Variants in ARIH1 observed in about 807,000 individuals in gnomAD.
The protein encoded by ARIH1 is ariadne RBR E3 ubiquitin protein ligase 1.
A neutral mutation model predicts 85.0 loss-of-function variants in ARIH1; 8 were observed. The observed-to-expected ratio is 0.09, with a 90% CI of 0.06 to 0.17. The LOEUF (loss-of-function observed/expected upper bound fraction) is 0.17. Among genes scored for constraint, ARIH1 ranks in the 10% least tolerant of loss-of-function variants. ARIH1 has a pLI of 1.00. For missense variants in ARIH1, 311 were observed against 718.1 expected, an observed-to-expected ratio of 0.43 and a Z score of 6.48; for synonymous variants, 238 against 253.6, an observed-to-expected ratio of 0.94 and a Z score of 0.59.
rs1567367263 is a variant in ARIH1 at position 72,601,476 on chromosome 15, T to G, written c.*18184T>G. ...ATTCTGTGCTGCAAACTGGCTGAGA[T>G]TCTTCCATCCTCAGGGCCTTTGCAC... is the stretch of plus-strand genomic sequence containing the variant. On this transcript the variant is annotated 3_prime_UTR_variant, in exon 14 of 14. Transcript: ENST00000379887. The G allele has an allele frequency of 1.3e-5, 2 of 152,290 alleles. No homozygotes were observed. Among genetic ancestry groups the G allele is most frequent in the South Asian group, 4.1e-4 (2 of 4,828 alleles). The allele number at this position is 152,290 out of a possible 1,614,324, so 9.4% of individuals were successfully genotyped here.
chr15:72,540,915 C>T (rs2064104215), intron 2 of ARIH1, among the ~76,000 whole-genome samples: 1 of 152,106 alleles, frequency 6.6e-6, no homozygotes, highest in Non-Finnish European at 1.5e-5. Flanking sequence ...ATCTAAAGCA[C>T]AGGAATTCAG....
rs2064347789 is a variant in ARIH1 at position 72,592,658 on chromosome 15, G to T, written c.*9366G>T. The T allele has an allele frequency of 6.6e-6, 1 of 152,038 alleles. No individual in the cohort carries two copies. The highest frequency in any genetic ancestry group is 2.1e-4 in the South Asian group (1 of 4,832). 9.4% of individuals were successfully genotyped at this position (152,038 alleles called of 1,614,324 possible). On this transcript the variant is annotated 3_prime_UTR_variant, in exon 14 of 14. Transcript: ENST00000379887. ...ACCTGCTTTTGGATTACATATAAGT[G>T]GAATCATATAATAATGTACTCTTTT... is the stretch of plus-strand genomic sequence containing the variant.
chr15:72,548,242 A>C (rs2064137931), intron 3 of ARIH1, among the ~76,000 whole-genome samples: 1 of 152,254 alleles, frequency 6.6e-6, no homozygotes, highest in East Asian at 1.9e-4. Context: ...TACCACAGAA[A>C]TCTGAACTAA....
At chr15:72,538,887 A>G (rs1025487246) in intron 2 of ARIH1, among the ~76,000 whole-genome samples, 1 of 152,364 alleles carries the variant, frequency 6.6e-6, no homozygotes, top group East Asian at 1.9e-4. Context: ...ATTATTGTCT[A>G]TATGAAAATC....
chr15:72,583,156 T>C, intron 13 of ARIH1, 52 bp from the exon 14 acceptor site: 1 of 1,415,778 alleles, frequency 7.1e-7, no homozygotes. Flanking sequence ...TGCCTCTTTT[T>C]TTATTATTAG....
chr15:72,515,146 A>C (rs146387572), intron 1 of ARIH1, among the ~76,000 whole-genome samples: 37 of 152,070 alleles, frequency 2.4e-4, no homozygotes, highest in Admixed American at 7.2e-4. Context: ...GACCTGCCTG[A>C]CCAACATGGA....
In ARIH1 at chr15:72,474,543, C is replaced by A; in HGVS notation, c.-97C>A. ...GCGGGGCCGGAGCCAGGCCTGCGTCCGGACATCAGCCGGAGCCGGAGCGAG... is the reference window on the plus strand; with the variant it reads ...GCGGGGCCGGAGCCAGGCCTGCGTCAGGACATCAGCCGGAGCCGGAGCGAG... On this transcript the variant is annotated 5_prime_UTR_variant, in exon 1 of 14. Transcript: ENST00000379887. The A allele has an allele frequency of 7.1e-7, 1 of 1,403,476 alleles. No homozygotes were observed. Among genetic ancestry groups the A allele is most frequent in the East Asian group, 3.1e-5 (1 of 31,956 alleles). The allele number at this position is 1,403,476 out of a possible 1,614,324, so 86.9% of individuals were successfully genotyped here.
Position 72,579,030 on chromosome 15 carries a change from C to T in ARIH1, c.1216-1701C>T, listed in dbSNP as rs141565107. On this transcript the variant is annotated intron_variant, in intron 11 of 13. Transcript: ENST00000379887. ...AACTCCTGAGCTCAGGCAATCCACC[C>T]GCCTCAGCCTCCCAAAGTGCTAGGA... 4.4e-3 allele frequency among the ~76,000 whole-genome samples: 666 copies of T among 151,872 alleles called. 3 individuals are homozygous for T. The highest frequency in any genetic ancestry group is 0.01 in the Middle Eastern group (3 of 292).
Position 72,587,036 on chromosome 15 carries a change from AC to A in ARIH1, c.*3745del. ...ACTCTGGCCAAGTCCAGGTTTTAGGACAATTTAATTTACTCTTATTTGGATC... is the reference window on the plus strand; with the variant it reads ...ACTCTGGCCAAGTCCAGGTTTTAGGAAATTTAATTTACTCTTATTTGGATC... On this transcript the variant is annotated 3_prime_UTR_variant, in exon 14 of 14. Transcript: ENST00000379887. The A allele has an allele frequency of 2.7e-6, 1 of 368,670 alleles. No homozygotes were observed. The highest frequency in any genetic ancestry group is 2.1e-5 in the South Asian group (1 of 46,926). The allele number at this position is 368,670 out of a possible 1,614,324, so 22.8% of individuals were successfully genotyped here. A position where few individuals can be genotyped will look rare whatever the true frequency, so the allele number is the denominator to read the frequency against.
chr15:72,552,351 G>C (rs556589400), intron 3 of ARIH1, among the ~76,000 whole-genome samples: 2 of 152,240 alleles, frequency 1.3e-5, no homozygotes, highest in South Asian at 2.1e-4. Flanking sequence ...GCAAAGGTGC[G>C]ATCTTGGCTC....
intron 2 of ARIH1, among the ~76,000 whole-genome samples, chr15:72,541,428 A>C (rs947475348): frequency 1.3e-5 from 2 of 152,234 alleles, no homozygotes; most frequent in African/African-American, 2.4e-5. Context: ...AGTAAATTAA[A>C]AGATACTTTG....
At chr15:72,531,289 A>T (rs1595862875) in intron 2 of ARIH1, among the ~76,000 whole-genome samples, 1 of 151,172 alleles carries the variant, frequency 6.6e-6, no homozygotes, top group East Asian at 1.9e-4. Context: ...ATTTATTGAA[A>T]CACAGTTTCA....
chr15:72,508,875 G>C (rs559837334), intron 1 of ARIH1, among the ~76,000 whole-genome samples: 1 of 151,770 alleles, frequency 6.6e-6, no homozygotes, highest in Non-Finnish European at 1.5e-5. Context: ...TGTATTTTTA[G>C]TAGAGATGAG....
At position 72,601,771 on chromosome 15, in the gene ARIH1, C is replaced by T. The variant is rs1190091917; in HGVS notation, c.*18479C>T. ...GAGTAGGTAATACATCCATATAGTA[C>T]AAAATTCAAAATGTATTAAAGGTAT... On this transcript the variant is annotated 3_prime_UTR_variant, in exon 14 of 14. Transcript: ENST00000379887. 6.6e-6 allele frequency: 1 copy of T among 152,138 alleles called. No individual in the cohort carries two copies. Among genetic ancestry groups the T allele is most frequent in the African/African-American group, 2.4e-5 (1 of 41,414 alleles). The allele number at this position is 152,138 out of a possible 1,614,324, so 9.4% of individuals were successfully genotyped here.
At chr15:72,579,246 A>G (rs2064285709) in intron 11 of ARIH1, among the ~76,000 whole-genome samples, 2 of 152,036 alleles carry the variant, frequency 1.3e-5, no homozygotes, top group African/African-American at 2.4e-5. Context: ...GTTGTCCTGT[A>G]GAGTTTCCCA....
intron 2 of ARIH1, among the ~76,000 whole-genome samples, chr15:72,536,695 C>T (rs914635113): frequency 2.6e-5 from 4 of 152,168 alleles, no homozygotes; most frequent in African/African-American, 9.7e-5. Context: ...ATCTGTTTCA[C>T]TGTGGTTAGT....
chr15:72,484,699 GTATACGTA>G (rs1326592675), intron 1 of ARIH1, among the ~76,000 whole-genome samples: 4 of 150,552 alleles, frequency 2.7e-5, no homozygotes, highest in Non-Finnish European at 5.9e-5. Flanking sequence ...GTATGCGTGT[GTATACGTA>G]TATACGTATA....
chr15:72,547,847 A>G lies in ARIH1; in HGVS notation c.588+2883A>G. Among the ~76,000 whole-genome samples the G allele has an allele frequency of 1.3e-5, 2 of 152,132 alleles. 1 individual carries two copies. ...CATAGACAGTTCCTTCTTAACTTAA[A>G]TCTTAACTCTGATTTGAGTACTGAA... On this transcript the variant is annotated intron_variant, in intron 3 of 13. Transcript: ENST00000379887.
intron 1 of ARIH1, among the ~76,000 whole-genome samples, chr15:72,494,671 G>T (rs2063872609): frequency 1.3e-5 from 2 of 151,950 alleles, no homozygotes; most frequent in African/African-American, 4.8e-5. Context: ...CCACTCTGTT[G>T]GTACTATAGG....
Sources: gnomAD v4.1 joint callset for allele counts (sites outside exome capture counted in the v4.1 genomes callset) on GRCh38, gnomAD v4.1.1 for gene constraint, MANE v1.5 for transcripts, NCBI Gene and HGNC (gene_info 2026-07-23, HGNC 2026-07-21) for gene names.